Variants in FHIT observed in about 807,000 individuals in gnomAD.
FHIT encodes fragile histidine triad diadenosine triphosphatase, also known as bis(5'-adenosyl)-triphosphatase.
Under a neutral mutation model 17.9 loss-of-function variants are expected in FHIT, and 19 were observed. That is an observed-to-expected ratio of 1.06 (90% confidence interval 0.74 to 1.56). The LOEUF is 1.56. Ranked by LOEUF, FHIT falls within the 40% of genes most tolerant of loss-of-function variation. The pLI is 0.00. For synonymous variants in FHIT, 81 were observed against 69.7 expected, an observed-to-expected ratio of 1.16 and a Z score of -0.81; for missense variants, 248 against 189.2, an observed-to-expected ratio of 1.31 and a Z score of -1.82.
At chr3:60,570,995 C>G (rs2037359149) in intron 4 of FHIT, among the ~76,000 whole-genome samples, 1 of 151,918 alleles carries the variant, frequency 6.6e-6, no homozygotes, top group African/African-American at 2.4e-5. Context: ...CTTAATAACT[C>G]CACTAAATAA....
chr3:61,016,766 A>C (rs1176616725), intron 3 of FHIT, among the ~76,000 whole-genome samples: 1 of 152,236 alleles, frequency 6.6e-6, no homozygotes, highest in Non-Finnish European at 1.5e-5. Context: ...TTATGTGTGA[A>C]TTACTTATGT....
chr3:59,964,549 C>T (rs146362138), intron 7 of FHIT, among the ~76,000 whole-genome samples: 2 of 152,192 alleles, frequency 1.3e-5, no homozygotes, highest in African/African-American at 4.8e-5. Context: ...GAAGTTTCAT[C>T]CACTAGAGGA....
At chr3:60,823,345 C>T (rs1271536483) in intron 3 of FHIT, among the ~76,000 whole-genome samples, 1 of 152,120 alleles carries the variant, frequency 6.6e-6, no homozygotes, top group African/African-American at 2.4e-5. Flanking sequence ...AGTCCTAACC[C>T]TCAGTACTTA....
intron 5 of FHIT, among the ~76,000 whole-genome samples, chr3:60,418,349 A>C (rs1702326563): frequency 7.3e-6 from 1 of 136,696 alleles, no homozygotes; most frequent in Non-Finnish European, 1.6e-5. Context: ...TACATATACA[A>C]ACCTATATAT....
rs182258241 is a variant in FHIT, at chr3:60,041,448, C to T, written c.104-27296G>A. Among the ~76,000 whole-genome samples, 499 of 152,284 alleles carry T rather than the reference C, an allele frequency of 3.3e-3. 1 individual carries two copies. Among genetic ancestry groups the T allele is most frequent in the South Asian group, 0.02 (97 of 4,826 alleles). On this transcript the variant is annotated intron_variant, in intron 5 of 9. Coordinates refer to ENST00000492590, the MANE Select transcript of FHIT (RefSeq NM_002012.4). ...ATAGCAATGCCCTGAATAATAATTACCGCCAAGGTTGGAATGAAGCCTTTC... is the reference window on the plus strand; with the variant it reads ...ATAGCAATGCCCTGAATAATAATTATCGCCAAGGTTGGAATGAAGCCTTTC...
chr3:59,902,135 G>A (rs1354452496), intron 8 of FHIT, among the ~76,000 whole-genome samples: 2 of 152,090 alleles, frequency 1.3e-5, no homozygotes, highest in Non-Finnish European at 2.9e-5. Context: ...TAAAAAATGA[G>A]CAACGGACCC....
chr3:60,287,322 C>T (rs1707771572), intron 5 of FHIT, among the ~76,000 whole-genome samples: 1 of 152,142 alleles, frequency 6.6e-6, no homozygotes, highest in Non-Finnish European at 1.5e-5. Context: ...GTGTGCGCCA[C>T]CACACCCGGC....
chr3:60,173,907 A>ATTT (rs1559698562), intron 5 of FHIT, among the ~76,000 whole-genome samples: 12 of 73,356 alleles, frequency 1.6e-4, no homozygotes, highest in Admixed American at 5.4e-4. Context: ...ATATATATAT[A>ATTT]TATATATATG....
chr3:60,183,877 C>G (rs533163193), intron 5 of FHIT, among the ~76,000 whole-genome samples: 2 of 152,210 alleles, frequency 1.3e-5, no homozygotes, highest in African/African-American at 4.8e-5. Context: ...ATAAAGAGTT[C>G]AGAGTTCCCA....
chr3:60,610,314 ACT>A lies in FHIT; in HGVS notation c.-17-73337_-17-73336del, dbSNP rs146199574. 5.8e-3 allele frequency among the ~76,000 whole-genome samples: 878 copies of A among 152,320 alleles called. 6 individuals carry two copies. Among genetic ancestry groups the A allele is most frequent in the Non-Finnish European group, 8.8e-3 (601 of 68,026 alleles). ...TAAATATTTATACAGTGCTTCAATT[ACT>A]GACATTGTTTCTATTAATTAATGAT... is the stretch of plus-strand genomic sequence containing the variant. On this transcript the variant is annotated intron_variant, in intron 4 of 9. Transcript: ENST00000492590.
chr3:59,793,470 C>A (rs1349004798), intron 8 of FHIT, among the ~76,000 whole-genome samples: 1 of 152,086 alleles, frequency 6.6e-6, no homozygotes, highest in African/African-American at 2.4e-5. Context: ...CAAGAGGAGC[C>A]AGCCTTGCCC....
chr3:60,342,915 C>G (rs1457479625), intron 5 of FHIT, among the ~76,000 whole-genome samples: 2 of 152,098 alleles, frequency 1.3e-5, no homozygotes, highest in African/African-American at 4.8e-5. Context: ...CACTCTAATC[C>G]ACAGCTAATT....
At chr3:60,309,103 T>A (rs1576454753) in intron 5 of FHIT, among the ~76,000 whole-genome samples, 1 of 152,156 alleles carries the variant, frequency 6.6e-6, no homozygotes, top group Non-Finnish European at 1.5e-5. Context: ...TCTAAGTGAT[T>A]GCTCTGTAGT....
At chr3:59,919,814 T>TGA (rs1705316681) in intron 8 of FHIT, among the ~76,000 whole-genome samples, 1 of 152,220 alleles carries the variant, frequency 6.6e-6, no homozygotes, top group Non-Finnish European at 1.5e-5. Context: ...ATATAAAGAA[T>TGA]GCCATCCCTC....
chr3:60,298,820 A>T (rs1708325311), intron 5 of FHIT, among the ~76,000 whole-genome samples: 1 of 152,136 alleles, frequency 6.6e-6, no homozygotes, highest in African/African-American at 2.4e-5. Flanking sequence ...ATCATTCTGA[A>T]CCTTGAGAGG....
intron 5 of FHIT, among the ~76,000 whole-genome samples, chr3:60,494,536 G>A (rs527549243): frequency 3.0e-4 from 45 of 152,106 alleles, no homozygotes; most frequent in Admixed American, 1.8e-3. Context: ...CAGTCACTCC[G>A]TTGCGCTATC....
intron 8 of FHIT, among the ~76,000 whole-genome samples, chr3:59,806,125 G>C (rs1440404285): frequency 2.0e-5 from 3 of 149,644 alleles, no homozygotes; most frequent in Non-Finnish European, 4.4e-5. Context: ...AGCTTGCAGT[G>C]AGCCGAGATC....
chr3:59,948,231 G>A (rs574508015), intron 7 of FHIT, among the ~76,000 whole-genome samples: 2 of 151,746 alleles, frequency 1.3e-5, no homozygotes, highest in Middle Eastern at 3.4e-3. Flanking sequence ...TCGGCCAGGC[G>A]CAGTAGATCA....
At chr3:60,637,811 G>T (rs2039626144) in intron 4 of FHIT, among the ~76,000 whole-genome samples, 1 of 152,142 alleles carries the variant, frequency 6.6e-6, no homozygotes. Flanking sequence ...TGTACTTAGT[G>T]CCTCTATTTT....
Sources: gnomAD v4.1 joint callset for allele counts (sites outside exome capture counted in the v4.1 genomes callset) on GRCh38, gnomAD v4.1.1 for gene constraint, MANE v1.5 for transcripts, NCBI Gene and HGNC (gene_info 2026-07-23, HGNC 2026-07-21) for gene names.